CDH23: variants seen among roughly 807,000 people sequenced by gnomAD.
CDH23 encodes the protein cadherin-23.
A neutral mutation model predicts 317.1 loss-of-function variants in CDH23; 189 were observed. The ratio of observed to expected loss-of-function variants is 0.60; its 90% CI spans 0.53 to 0.67. CDH23 has a LOEUF of 0.67. Among genes scored for constraint, CDH23 ranks in the 30% least tolerant of loss-of-function variants. The pLI is 0.00. For missense variants in CDH23, 4,401 were observed against 4,592.4 expected, an observed-to-expected ratio of 0.96 and a Z score of 1.20; for synonymous variants, 1,839 against 1,876.8, an observed-to-expected ratio of 0.98 and a Z score of 0.52.
chr10:71,725,370 A>G lies in CDH23; in HGVS notation c.3431-2A>G, dbSNP rs2132804872. On this transcript the variant is annotated splice_acceptor_variant, in intron 29 of 69. Coordinates refer to ENST00000224721, the MANE Select transcript of CDH23 (RefSeq NM_022124.6). LOFTEE classifies it high-confidence loss of function. ...TTCCAGGGGGTCTGTCCCTCCACACAGGTAACCATGGCAACAACTTCCGGA... is the reference window on the plus strand; with the variant it reads ...TTCCAGGGGGTCTGTCCCTCCACACGGGTAACCATGGCAACAACTTCCGGA... The G allele has an allele frequency of 3.7e-6, 6 of 1,613,972 alleles. No individual in the cohort carries two copies. The highest frequency in any genetic ancestry group is 5.1e-6 in the Non-Finnish European group (6 of 1,179,868).
chr10:71,479,397 G>A (rs1171458686), intron 3 of CDH23, among the ~76,000 whole-genome samples: 1 of 152,172 alleles, frequency 6.6e-6, no homozygotes, highest in Non-Finnish European at 1.5e-5. Context: ...TTGGGGGCGG[G>A]TGAACTGAAT....
intron 14 of CDH23, among the ~76,000 whole-genome samples, chr10:71,662,843 A>C (rs1863735470): frequency 6.6e-6 from 1 of 152,316 alleles, no homozygotes; most frequent in East Asian, 1.9e-4. Context: ...ATTCTCCTGC[A>C]GCTCTGGAGT....
Position 71,646,609 on chromosome 10 carries a change from A to C in CDH23, c.1441A>C (p.Thr481Pro). The change falls in exon 14 of 70, where the codon ACA becomes CCA. Residue 481 changes from threonine (T) to proline (P), a missense_variant. Around this residue, in one of 3 missense-constraint regions of CDH23, gnomAD observed 3,068 missense variants for 3,203.3 expected, o/e 0.96. Coordinates refer to ENST00000224721, the MANE Select transcript of CDH23 (RefSeq NM_022124.6). ...ENVTVGTSVL[T>P]VLATDNDAGT... The stretch of plus-strand genomic sequence containing the variant: ...CGTCACCGTGGGGACCTCTGTGCTG[A>C]CAGTCCTGGTGAGTCCCCGCTTCAC... The C allele has an allele frequency of 6.2e-7, 1 of 1,613,982 alleles. No individual in the cohort carries two copies. The highest frequency in any genetic ancestry group is 8.5e-7 in the Non-Finnish European group (1 of 1,179,876).
Position 71,815,359 on chromosome 10 carries a change from TC to T in CDH23, c.*82del. The T allele has an allele frequency of 3.0e-6, 4 of 1,345,214 alleles. No homozygotes were observed. The highest frequency in any genetic ancestry group is 4.0e-6 in the Non-Finnish European group (4 of 1,003,662). The allele number at this position is 1,345,214 out of a possible 1,614,324, so 83.3% of individuals were successfully genotyped here. A position where few individuals can be genotyped will look rare whatever the true frequency, so the allele number is the denominator to read the frequency against. On this transcript the variant is annotated 3_prime_UTR_variant, in exon 70 of 70. Coordinates refer to ENST00000224721, the MANE Select transcript of CDH23 (RefSeq NM_022124.6). ...GGAGCAAGGGCAGGGACAGGGCCGG[TC>T]GGGGGGGACCCTCCAAGGCCAGGCC...
In CDH23 at chr10:71,784,872, C is replaced by A; in HGVS notation, c.5503-19C>A. The A allele has an allele frequency of 6.2e-7, 1 of 1,608,138 alleles. No homozygotes were observed. Among genetic ancestry groups the A allele is most frequent in the Non-Finnish European group, 8.5e-7 (1 of 1,174,472 alleles). ...TGTCGCTCTTCCTCCCCTCCCTCCT[C>A]CTTCTCTGACTGGCCCAGATGCTGG... On this transcript the variant is annotated intron_variant, in intron 42 of 69. Transcript: ENST00000224721.
chr10:71,679,531 G>A lies in CDH23; in HGVS notation c.1858+39G>A, dbSNP rs775773174. 36 of 1,442,242 alleles carry A rather than the reference G, an allele frequency of 2.5e-5. 1 individual carries two copies. In the South Asian group the frequency reaches 4.1e-4, roughly 16 times the overall value. 89.3% of individuals were successfully genotyped at this position (1,442,242 alleles called of 1,614,324 possible). A position where few individuals can be genotyped will look rare whatever the true frequency, so the allele number is the denominator to read the frequency against. ...AGAACTCGGGGCCCAGCCAGGAGGA[G>A]GGCTGGGGGGCTCTCTGCACTCACA... On this transcript the variant is annotated intron_variant, in intron 17 of 69. Transcript: ENST00000224721.
rs1265692526 is a variant in CDH23, at chr10:71,799,283, G to A, written c.7224+3G>A. ...TCTTTGACCAGCCCTCCTACCAGGT[G>A]GGTGGCCAGGCCACAGGCTGGGTCC... is the stretch of plus-strand genomic sequence containing the variant. On this transcript the variant is annotated splice_donor_region_variant and intron_variant, in intron 51 of 69. Coordinates refer to ENST00000224721, the MANE Select transcript of CDH23 (RefSeq NM_022124.6). The A allele has an allele frequency of 3.7e-6, 6 of 1,613,930 alleles. No homozygotes were observed. Among genetic ancestry groups the A allele is most frequent in the Non-Finnish European group, 5.1e-6 (6 of 1,179,896 alleles).
Position 71,809,862 on chromosome 10 carries a change from C to A in CDH23, c.8765C>A (p.Ala2922Asp), listed in dbSNP as rs372613108. The A allele has an allele frequency of 6.2e-7, 1 of 1,613,400 alleles. No individual in the cohort carries two copies. The highest frequency in any genetic ancestry group is 1.7e-5 in the Admixed American group (1 of 60,030). ...CTGCGCACCTTCGACCTCTTCATGG[C>A]CTACAGCCCCGGCTACTTCGTGGTG... Reference protein sequence around the residue: ...GILRTFDLFMAYSPGYFVVDI... With the variant: ...GILRTFDLFMDYSPGYFVVDI... The change falls in exon 61 of 70, where the codon GCC (alanine) becomes GAC (aspartate). Residue 2922 changes from alanine to aspartate, a missense_variant. Transcript: ENST00000224721.
At chr10:71,465,038 C>T (rs1851177688) in intron 3 of CDH23, among the ~76,000 whole-genome samples, 1 of 152,202 alleles carries the variant, frequency 6.6e-6, no homozygotes, top group Admixed American at 6.5e-5. Context: ...TGAGATACTT[C>T]AGGCATGCAG....
At chr10:71,800,545 C>T in intron 52 of CDH23, 91 bp from the exon 53 acceptor site, 1 of 1,425,590 alleles carries the variant, frequency 7.0e-7, no homozygotes, top group African/African-American at 1.4e-5. Context: ...TGTCAAATCT[C>T]CAGAGCCCAT....
intron 6 of CDH23, among the ~76,000 whole-genome samples, chr10:71,516,824 T>C (rs887528805): frequency 1.3e-5 from 2 of 152,164 alleles, no homozygotes; most frequent in African/African-American, 4.8e-5. Flanking sequence ...ACCTGCAAAG[T>C]AGAAATAATT....
chr10:71,475,959 T>C (rs1409561923), intron 3 of CDH23, among the ~76,000 whole-genome samples: 1 of 152,200 alleles, frequency 6.6e-6, no homozygotes, highest in Non-Finnish European at 1.5e-5. Flanking sequence ...GGCCTCAGTT[T>C]CCACTCTTCA....
At position 71,426,370 on chromosome 10, in the gene CDH23, T is replaced by C. The variant is rs569650622; in HGVS notation, c.-5-13457T>C. On this transcript the variant is annotated intron_variant, in intron 1 of 69. Transcript: ENST00000224721. The stretch of plus-strand genomic sequence containing the variant: ...ACAGGCCCAGGACCTGGGGTCTTCC[T>C]TTCCATCCTTGGCTCTTGGACTGAT... Among the ~76,000 whole-genome samples the C allele has an allele frequency of 6.8e-4, 103 of 152,344 alleles. 1 individual carries two copies. The highest frequency in any genetic ancestry group is 1.2e-3 in the Non-Finnish European group (83 of 68,034).
chr10:71,757,803 G>T (rs970886139), intron 38 of CDH23, among the ~76,000 whole-genome samples: 5 of 152,200 alleles, frequency 3.3e-5, no homozygotes, highest in African/African-American at 1.2e-4. Flanking sequence ...CAGGGAGGAA[G>T]CTGGGTGAAA....
intron 14 of CDH23, among the ~76,000 whole-genome samples, chr10:71,663,286 A>G (rs1323471163): frequency 2.0e-5 from 3 of 152,150 alleles, no homozygotes; most frequent in Admixed American, 6.5e-5. Flanking sequence ...AGCTCTTCCA[A>G]TGCCGGCTTT....
intron 6 of CDH23, among the ~76,000 whole-genome samples, chr10:71,516,490 G>A (rs1242083604): frequency 3.3e-5 from 5 of 152,244 alleles, no homozygotes; most frequent in Non-Finnish European, 7.3e-5. Flanking sequence ...CTCCTTACTA[G>A]AGATGGGAAA....
intron 21 of CDH23, 144 bp from the exon 22 acceptor site, chr10:71,695,274 C>T: frequency 1.5e-6 from 1 of 673,822 alleles, no homozygotes; most frequent in Non-Finnish European, 2.7e-6. Context: ...AGCCCAGGCT[C>T]TGCCCAAGGC....
intron 41 of CDH23, among the ~76,000 whole-genome samples, chr10:71,780,251 A>T (rs1840916641): frequency 6.6e-6 from 1 of 152,208 alleles, no homozygotes; most frequent in African/African-American, 2.4e-5. Context: ...ACAGATGCAA[A>T]TCCCTGCCCC....
chr10:71,730,684 G>C lies in CDH23; in HGVS notation c.3715+80G>C, dbSNP rs1004634637. The C allele has an allele frequency of 3.2e-6, 5 of 1,570,014 alleles. No individual in the cohort carries two copies. In the South Asian group the frequency reaches 5.8e-5, roughly 18 times the overall value. The stretch of plus-strand genomic sequence containing the variant: ...GCTCACCCAGCCCCTCCTTCGAAAC[G>C]GTCATCCCTGATGCTTCAGGCTCCC... On this transcript the variant is annotated intron_variant, in intron 31 of 69. Transcript: ENST00000224721.
Sources: gnomAD v4.1 joint callset for allele counts (sites outside exome capture counted in the v4.1 genomes callset) on GRCh38, gnomAD v4.1.1 for gene constraint, gnomAD v4.1.1 regional missense constraint, MANE v1.5 for transcripts, NCBI Gene and HGNC (gene_info 2026-07-23, HGNC 2026-07-21) for gene names.